The following SMARCA4 variants were observed in gnomAD, a reference collection of about 807,000 sequenced individuals.
SMARCA4 encodes SWI/SNF-related matrix-associated actin-dependent regulator of chromatin subfamily A member 4.
SMARCA4 carries 31 observed loss-of-function variants against 193.9 expected under a neutral mutation model. That is an observed-to-expected ratio of 0.16 (90% CI 0.12 to 0.22). The LOEUF is 0.22. SMARCA4 is among the 10% of genes least tolerant of loss of function. SMARCA4 has a pLI of 1.00. For missense variants in SMARCA4, 1,148 were observed against 2,296.0 expected (o/e 0.50, Z 10.22); for synonymous variants, 942 against 933.1 (o/e 1.01, Z -0.17).
rs772313092 is a variant in SMARCA4, at chr19:10,987,939, C to T, written c.1118+15C>T. On this transcript the variant is annotated intron_variant, in intron 6 of 34. Transcript: ENST00000344626. This position sits in a 1 kb window ranked among gnomAD's most constrained non-coding sequence, Gnocchi z 5.3. ...CGCGAGTACAGGTGAGGGCGGGGCC[C>T]AGTTGCCAAGGTCACTGCCCTGTGT... 1.5e-5 allele frequency: 24 copies of T among 1,611,502 alleles called. No homozygotes were observed. The South Asian group carries it at 2.5e-4, about 17-fold the overall frequency.
At chr19:11,014,389 T>G (rs2089158251) in intron 16 of SMARCA4, among the ~76,000 whole-genome samples, 1 of 152,252 alleles carries the variant, frequency 6.6e-6, no homozygotes, top group Non-Finnish European at 1.5e-5. Flanking sequence ...TGTTTCTTTC[T>G]TCTATCTCCC....
At chr19:10,967,825 C>G (rs1454761385) in intron 1 of SMARCA4, among the ~76,000 whole-genome samples, 1 of 151,764 alleles carries the variant, frequency 6.6e-6, no homozygotes, top group East Asian at 1.9e-4. Context: ...GCTGGGATTA[C>G]AGGCGTGCGC....
chr19:11,061,720 TC>T lies in SMARCA4; in HGVS notation c.4912-61del, dbSNP rs1187529482. The T allele has an allele frequency of 2.9e-5, 43 of 1,483,004 alleles. No individual in the cohort carries two copies. In the Middle Eastern group the frequency reaches 5.1e-4, roughly 18 times the overall value. The allele number at this position is 1,483,004 out of a possible 1,614,324, so 91.9% of individuals were successfully genotyped here. A position where few individuals can be genotyped will look rare whatever the true frequency, so the allele number is the denominator to read the frequency against. ...GCAAGTTTATTTAAAGTTTGGCAGG[TC>T]CCTGGCAAGGTGCCCTGGCAGGGGT... On this transcript the variant is annotated intron_variant, in intron 34 of 34. Transcript: ENST00000344626.
intron 30 of SMARCA4, among the ~76,000 whole-genome samples, chr19:11,051,065 A>G (rs1600557952): frequency 6.6e-6 from 1 of 152,212 alleles, no homozygotes. Context: ...CCTAAAAGTC[A>G]TGGATGGAGT....
chr19:11,061,971 T>C lies in SMARCA4; in HGVS notation c.*155T>C, dbSNP rs1412551524. The stretch of plus-strand genomic sequence containing the variant: ...CCATATTTATACAGCAGAGAAGCTG[T>C]AGGACTGTTTGTGACTGGCCCTGTC... On this transcript the variant is annotated 3_prime_UTR_variant, in exon 35 of 35. Transcript: ENST00000344626. 1.5e-5 allele frequency: 11 copies of C among 743,022 alleles called. No individual in the cohort carries two copies. The highest frequency in any genetic ancestry group is 2.4e-5 in the Non-Finnish European group (10 of 423,500). 46.0% of individuals were successfully genotyped at this position (743,022 alleles called of 1,614,324 possible). A position where few individuals can be genotyped will look rare whatever the true frequency, so the allele number is the denominator to read the frequency against.
chr19:10,978,655 C>T (rs1036053902), intron 1 of SMARCA4, among the ~76,000 whole-genome samples: 12 of 151,188 alleles, frequency 7.9e-5, no homozygotes, highest in African/African-American at 9.7e-5. Context: ...AAGTGGATAC[C>T]GGCCACATAT....
intron 1 of SMARCA4, among the ~76,000 whole-genome samples, chr19:10,962,455 G>A (rs1306003113): frequency 1.3e-5 from 2 of 152,134 alleles, no homozygotes; most frequent in Non-Finnish European, 2.9e-5. Flanking sequence ...CTGTGAGAGG[G>A]ACACAGCGGA....
chr19:11,025,068 A>G lies in SMARCA4; in HGVS notation c.3082-354A>G, dbSNP rs950441227. The stretch of plus-strand genomic sequence containing the variant: ...TCACCCGGCTGAGGCCCTCTTGCCC[A>G]GCTGAGACCCTCTAGGGACCCCCAC... On this transcript the variant is annotated intron_variant, in intron 21 of 34. Coordinates refer to ENST00000344626, the MANE Select transcript of SMARCA4 (RefSeq NM_003072.5). Among the ~76,000 whole-genome samples the G allele has an allele frequency of 3.2e-5, 4 of 124,888 alleles. No homozygotes were observed. In the East Asian group the frequency reaches 8.1e-4, roughly 25 times the overall value. The allele number at this position is 124,888 out of a possible 152,430, so 81.9% of individuals were successfully genotyped here.
rs768987283 is a variant in SMARCA4, at chr19:11,034,146, C to T, written c.3897C>T (p.Asp1299=). ...AGGAGGAAGACGAGGTGCCCGACGA[C>T]GAGACCGTCAACCAGATGATCGCCC... is the stretch of plus-strand genomic sequence containing the variant. ...PLKEEDEVPD[D]ETVNQMIARH... Residue 1299 remains aspartate (D), a synonymous_variant, in exon 28 of 35, where the codon GAC becomes GAT. Transcript: ENST00000344626. The surrounding 1 kb of genome is among the most constrained non-coding windows in gnomAD (Gnocchi z 7.0). The T allele has an allele frequency of 2.2e-5, 36 of 1,613,660 alleles. No individual in the cohort carries two copies. The highest frequency in any genetic ancestry group is 1.3e-4 in the Admixed American group (8 of 60,008).
Position 11,003,471 on chromosome 19 carries a change from C to T in SMARCA4, c.2001+74C>T, listed in dbSNP as rs539548654. On this transcript the variant is annotated intron_variant, in intron 13 of 34. Transcript: ENST00000344626. Reference sequence around the variant, plus strand: ...TGACTTCCACCCTGTGTGTTGTGACCGTCTCCTGCCCTGGCTGGGCATCTT... The same window carrying T: ...TGACTTCCACCCTGTGTGTTGTGACTGTCTCCTGCCCTGGCTGGGCATCTT... 518 of 1,363,122 alleles carry T rather than the reference C, an allele frequency of 3.8e-4. 1 individual carries two copies. Among genetic ancestry groups the T allele is most frequent in the Admixed American group, 6.2e-4 (37 of 59,692 alleles). The allele number at this position is 1,363,122 out of a possible 1,614,324, so 84.4% of individuals were successfully genotyped here.
At chr19:10,968,696 G>A (rs2084432649) in intron 1 of SMARCA4, among the ~76,000 whole-genome samples, 2 of 152,164 alleles carry the variant, frequency 1.3e-5, no homozygotes, top group Non-Finnish European at 2.9e-5. Context: ...TCACGCCCCA[G>A]TGGCTCAGGA....
chr19:11,050,118 C>T (rs541358573), intron 30 of SMARCA4, among the ~76,000 whole-genome samples: 6 of 152,328 alleles, frequency 3.9e-5, no homozygotes, highest in South Asian at 2.1e-4. Context: ...CTGTGCTAGA[C>T]GGTGGTGTTG....
Position 11,003,376 on chromosome 19 carries a change from T to C in SMARCA4, c.1980T>C (p.Ser660=), listed in dbSNP as rs200419334. 1.9e-5 allele frequency: 30 copies of C among 1,614,130 alleles called. No individual in the cohort carries two copies. In the African/African-American group the frequency reaches 3.7e-4, roughly 20 times the overall value. ...EVAPRSDSEE[S]GSEEEEEEEE... Reference sequence around the variant, plus strand: ...CTCCGAGGTCTGATAGTGAAGAAAGTGGCTCAGAAGAAGAGGAAGAGGTAA... The same window carrying C: ...CTCCGAGGTCTGATAGTGAAGAAAGCGGCTCAGAAGAAGAGGAAGAGGTAA... The change falls in exon 13 of 35, where the codon AGT becomes AGC. Residue 660 remains serine (S), a synonymous_variant. Transcript: ENST00000344626.
chr19:11,059,987 T>C, intron 33 of SMARCA4, 58 bp from the exon 34 acceptor site: 2 of 1,610,190 alleles, frequency 1.2e-6, no homozygotes, highest in Admixed American at 1.7e-5. Context: ...CGCCCCTTGC[T>C]GTGGGGGTGC....
At chr19:10,966,623 A>C (rs892265968) in intron 1 of SMARCA4, among the ~76,000 whole-genome samples, 1 of 143,918 alleles carries the variant, frequency 6.9e-6, no homozygotes, top group East Asian at 2.2e-4. Flanking sequence ...GCGGTGGCTC[A>C]TGCCTGTATT....
Position 10,996,547 on chromosome 19 carries a change from G to A in SMARCA4, c.1812+3G>A, listed in dbSNP as rs371562008. 2.0e-5 allele frequency: 32 copies of A among 1,613,932 alleles called. No individual in the cohort carries two copies. The African/African-American group carries it at 3.1e-4, about 15-fold the overall frequency. On this transcript the variant is annotated splice_donor_region_variant and intron_variant, in intron 11 of 34. Coordinates refer to ENST00000344626, the MANE Select transcript of SMARCA4 (RefSeq NM_003072.5). ...CTGCCATTGGGCCGGATGGCGAGGT[G>A]AGGAAGCAGGGTTTCTTGTGGAAGT...
In SMARCA4 at chr19:11,041,834, G is replaced by T. The variant is rs969049680; in HGVS notation, c.4424+274G>T. On this transcript the variant is annotated intron_variant, in intron 30 of 34. Transcript: ENST00000344626. The surrounding 1 kb of genome is among the most constrained non-coding windows in gnomAD (Gnocchi z 5.6). Reference sequence around the variant, plus strand: ...GGGTCTCGGAGAAGGGGACATTGCAGCAGAGCCTTGAGAGAGGGGAGGTTG... The same window carrying T: ...GGGTCTCGGAGAAGGGGACATTGCATCAGAGCCTTGAGAGAGGGGAGGTTG... Among the ~76,000 whole-genome samples, 5 of 152,204 alleles carry T rather than the reference G, an allele frequency of 3.3e-5. No individual in the cohort carries two copies. Among genetic ancestry groups the T allele is most frequent in the African/African-American group, 9.6e-5 (4 of 41,460 alleles).
rs2087810760 is a variant in SMARCA4, at chr19:11,003,091, G to A, written c.1875G>A (p.Gly625=). 6.2e-7 allele frequency: 1 copy of A among 1,614,146 alleles called. No individual in the cohort carries two copies. The part of the protein sequence containing the change: ...LPVKVIHVES[G]KILTGTDAPK... ...TGAAGGTGATCCACGTGGAGAGTGGGAAGATCCTCACAGGCACAGATGCCC... is the reference window on the plus strand; with the variant it reads ...TGAAGGTGATCCACGTGGAGAGTGGAAAGATCCTCACAGGCACAGATGCCC... The change falls in exon 12 of 35, where the codon GGG becomes GGA. Residue 625 remains glycine (G), a synonymous_variant. Transcript: ENST00000344626.
chr19:11,007,675 A>C lies in SMARCA4; in HGVS notation c.2002-227A>C, dbSNP rs145802750. Reference sequence around the variant, plus strand: ...ATGATTGCTTGAGCTGAGGAGTTCAAAGCCATCTGGGCAACATCCTGAGAC... The same window carrying C: ...ATGATTGCTTGAGCTGAGGAGTTCACAGCCATCTGGGCAACATCCTGAGAC... On this transcript the variant is annotated intron_variant, in intron 13 of 34. Transcript: ENST00000344626. 2.8e-3 allele frequency among the ~76,000 whole-genome samples: 422 copies of C among 152,234 alleles called. 2 individuals are homozygous for C. The highest frequency in any genetic ancestry group is 4.5e-3 in the Non-Finnish European group (309 of 68,030).
Sources: allele counts gnomAD v4.1 joint callset (sites outside exome capture counted in the v4.1 genomes callset), GRCh38; gene constraint gnomAD v4.1.1; non-coding constraint Gnocchi (gnomAD v3.1); transcripts MANE v1.5; gene names NCBI Gene and HGNC (gene_info 2026-07-23, HGNC 2026-07-21).